PTCD3: variants seen among roughly 807,000 people sequenced by gnomAD.
The protein encoded by PTCD3 is small ribosomal subunit protein mS39.
PTCD3 carries 89 observed loss-of-function variants against 101.9 expected under a neutral mutation model. That is an observed-to-expected ratio of 0.87 (90% CI 0.74 to 1.04). The LOEUF is 1.04. Ranked by LOEUF, PTCD3 falls within the 50% of genes least tolerant of loss-of-function variation. The pLI, the probability that PTCD3 is intolerant of heterozygous loss-of-function variation, is 0.00. For synonymous variants in PTCD3, 296 were observed against 278.5 expected, an observed-to-expected ratio of 1.06 and a Z score of -0.63; for missense variants, 870 against 828.2, an observed-to-expected ratio of 1.05 and a Z score of -0.62.
intron 17 of PTCD3, 152 bp downstream of exon 17, chr2:86,132,576 G>T: frequency 4.3e-6 from 2 of 466,606 alleles, no homozygotes; most frequent in Non-Finnish European, 3.8e-6. Context: ...AATTAAAGCA[G>T]TGGTAAAACT....
intron 3 of PTCD3, among the ~76,000 whole-genome samples, chr2:86,109,347 C>G (rs1674031671): frequency 6.7e-6 from 1 of 150,142 alleles, no homozygotes; most frequent in Non-Finnish European, 1.5e-5. Context: ...ACGGAGCTTG[C>G]AGTGAGCCGA....
At chr2:86,123,891 T>C (rs1674337877) in intron 9 of PTCD3, 129 bp downstream of exon 9, 1 of 621,146 alleles carries the variant, frequency 1.6e-6, no homozygotes, top group Admixed American at 3.4e-5. Context: ...AATATAAATT[T>C]CACTATTTGT....
intron 7 of PTCD3, among the ~76,000 whole-genome samples, chr2:86,120,302 A>G (rs1246521154): frequency 6.6e-6 from 1 of 152,182 alleles, no homozygotes; most frequent in Non-Finnish European, 1.5e-5. Context: ...CTCAGTAACA[A>G]AGTGAGCTAA....
chr2:86,137,395 G>A lies in PTCD3; in HGVS notation c.1980-74G>A. ...ATTTCAAAACTGACAGGCTATAGGT[G>A]AGTGTCAGAGACACCGAGAACCCCA... On this transcript the variant is annotated intron_variant, in intron 23 of 23. Transcript: ENST00000254630. 6 of 1,591,892 alleles carry A rather than the reference G, an allele frequency of 3.8e-6. No individual in the cohort carries two copies. The South Asian group carries it at 6.8e-5, about 18-fold the overall frequency.
At chr2:86,132,263 T>G in intron 16 of PTCD3, 55 bp from the exon 17 acceptor site, 1 of 1,070,986 alleles carries the variant, frequency 9.3e-7, no homozygotes, top group Non-Finnish European at 1.4e-6. Flanking sequence ...TATTTATTTG[T>G]GAACCACTGG....
At chr2:86,130,018 T>C (rs968933957) in intron 14 of PTCD3, among the ~76,000 whole-genome samples, 5 of 152,190 alleles carry the variant, frequency 3.3e-5, no homozygotes, top group Non-Finnish European at 7.3e-5. Flanking sequence ...AAAAACATTT[T>C]TAGCCGGGTG....
rs1049488448 is a variant in PTCD3 at position 86,108,486 on chromosome 2, C to CT, written c.158-8dup. ...GTACTAGGAAACTGATTCATGTTTT[C>CT]TTTTTTACATTAGGGATTGAAGAAG... On this transcript the variant is annotated splice_polypyrimidine_tract_variant and intron_variant, in intron 2 of 23. Transcript: ENST00000254630. The CT allele has an allele frequency of 1.9e-6, 3 of 1,590,624 alleles. No homozygotes were observed. In the African/African-American group the frequency reaches 4.1e-5, roughly 22 times the overall value.
At chr2:86,136,125 A>G (rs1246162804) in intron 21 of PTCD3, 8 of 473,106 alleles carry the variant, frequency 1.7e-5, no homozygotes, top group Admixed American at 7.8e-5. Flanking sequence ...CCCTCCTTAG[A>G]AGGACAGTGG....
intron 3 of PTCD3, among the ~76,000 whole-genome samples, chr2:86,110,096 T>C (rs1674048119): frequency 6.6e-6 from 1 of 152,240 alleles, no homozygotes; most frequent in African/African-American, 2.4e-5. Context: ...AGAAAGAGAA[T>C]TAGTGAGTAA....
rs1390741692 is a variant in PTCD3 at position 86,138,240 on chromosome 2, A to G, written c.*681A>G. ...TTTTTTTTGTCTATAGCTGTTACCT[A>G]TTTTAGTGGTTGAAATGAGAGCTAG... On this transcript the variant is annotated 3_prime_UTR_variant, in exon 24 of 24. Transcript: ENST00000254630. 1.3e-5 allele frequency: 2 copies of G among 152,162 alleles called. No homozygotes were observed. Among genetic ancestry groups the G allele is most frequent in the African/African-American group, 4.8e-5 (2 of 41,382 alleles). The allele number at this position is 152,162 out of a possible 1,614,324, so 9.4% of individuals were successfully genotyped here.
chr2:86,132,469 C>T (rs1457596105), intron 17 of PTCD3, 45 bp downstream of exon 17: 18 of 1,385,370 alleles, frequency 1.3e-5, no homozygotes, highest in Non-Finnish European at 1.6e-5. Flanking sequence ...TTACCAGATT[C>T]TGCAAGTGGG....
chr2:86,133,224 A>G lies in PTCD3; in HGVS notation c.1420A>G (p.Thr474Ala), dbSNP rs1674524564. The G allele has an allele frequency of 6.2e-7, 1 of 1,614,128 alleles. No homozygotes were observed. Among genetic ancestry groups the G allele is most frequent in the Non-Finnish European group, 8.5e-7 (1 of 1,180,000 alleles). The change falls in exon 18 of 24, where the codon ACC becomes GCC. Residue 474 changes from threonine to alanine, a missense_variant. By Grantham distance (58) the Thr-to-Ala change is moderately conservative (BLOSUM62 0). Coordinates refer to ENST00000254630, the MANE Select transcript of PTCD3 (RefSeq NM_017952.6). ...TTGTCTAATGGAACAAATTGATGTTACCTTGAAGTGGTATGAGGACCTGAT... is the reference window on the plus strand; with the variant it reads ...TTGTCTAATGGAACAAATTGATGTTGCCTTGAAGTGGTATGAGGACCTGAT... ...LICLMEQIDVTLKWYEDLIPS... is the reference protein window; with the variant it reads ...LICLMEQIDVALKWYEDLIPS...
At chr2:86,113,153 G>A (rs1228862122) in intron 4 of PTCD3, among the ~76,000 whole-genome samples, 2 of 152,174 alleles carry the variant, frequency 1.3e-5, no homozygotes, top group East Asian at 1.9e-4. Context: ...TTAAGTATAC[G>A]TAAGATTTAG....
rs565674809 is a variant in PTCD3, at chr2:86,127,092, G to C, written c.952-69G>C. 4 of 1,379,478 alleles carry C rather than the reference G, an allele frequency of 2.9e-6. No homozygotes were observed. In the South Asian group the frequency reaches 5.5e-5, roughly 19 times the overall value. The allele number at this position is 1,379,478 out of a possible 1,614,324, so 85.5% of individuals were successfully genotyped here. Reference sequence around the variant, plus strand: ...GCAAGAAAGCTAAATTCTTTACTTTGTATGAAACATAGATTATTGGACAGA... The same window carrying C: ...GCAAGAAAGCTAAATTCTTTACTTTCTATGAAACATAGATTATTGGACAGA... On this transcript the variant is annotated intron_variant, in intron 12 of 23. Transcript: ENST00000254630.
chr2:86,116,058 C>G (rs1476653002), intron 4 of PTCD3, among the ~76,000 whole-genome samples: 1 of 152,142 alleles, frequency 6.6e-6, no homozygotes, highest in Non-Finnish European at 1.5e-5. Context: ...GCTTGCCTTG[C>G]ATAATTAAAG....
chr2:86,115,805 G>C (rs942960951), intron 4 of PTCD3, among the ~76,000 whole-genome samples: 6 of 152,196 alleles, frequency 3.9e-5, no homozygotes, highest in African/African-American at 1.4e-4. Context: ...GTAACAGGAC[G>C]TGGGAGAAGG....
intron 21 of PTCD3, 61 bp from the exon 22 acceptor site, chr2:86,136,460 A>G (rs1674586058): frequency 2.1e-6 from 3 of 1,461,056 alleles, no homozygotes; most frequent in Non-Finnish European, 2.9e-6. Flanking sequence ...GAAGACAGCT[A>G]TAGTGTCTGA....
Position 86,125,024 on chromosome 2 carries a change from C to T in PTCD3, c.746C>T (p.Ser249Phe). Residue 249 changes from serine to phenylalanine, a missense_variant, in exon 10 of 24, where the codon TCT becomes TTT. Transcript: ENST00000254630. Reference sequence around the variant, plus strand: ...AAAAACAACGCTGAGAGAATCTTTTCTCTAATGCCAGAGAAAAATGAACAT... The same window carrying T: ...AAAAACAACGCTGAGAGAATCTTTTTTCTAATGCCAGAGAAAAATGAACAT... ...RAKNNAERIF[S>F]LMPEKNEHSY... 6.2e-7 allele frequency: 1 copy of T among 1,614,060 alleles called. No homozygotes were observed. Among genetic ancestry groups the T allele is most frequent in the Non-Finnish European group, 8.5e-7 (1 of 1,180,020 alleles).
rs374510370 is a variant in PTCD3, at chr2:86,130,671, T to C, written c.1171T>C (p.Phe391Leu). ...AGGAGACCCTTTAAAGAGATCATCC[T>C]TCATCATTTATGATATAATGAATGA... ...QPGDPLKRSS[F>L]IIYDIMNELM... The change falls in exon 15 of 24, where the codon TTC (phenylalanine) becomes CTC (leucine). Residue 391 changes from phenylalanine to leucine, a missense_variant. By Grantham distance (22) the Phe-to-Leu change is conservative. Coordinates refer to ENST00000254630, the MANE Select transcript of PTCD3 (RefSeq NM_017952.6). 22 of 1,613,176 alleles carry C rather than the reference T, an allele frequency of 1.4e-5. No individual in the cohort carries two copies. The highest frequency in any genetic ancestry group is 1.6e-4 in the Middle Eastern group (1 of 6,082).
Sources: gnomAD v4.1 joint callset for allele counts (sites outside exome capture counted in the v4.1 genomes callset) on GRCh38, gnomAD v4.1.1 for gene constraint, MANE v1.5 for transcripts, NCBI Gene and HGNC (gene_info 2026-07-23, HGNC 2026-07-21) for gene names.